The following TASP1 variants were observed in gnomAD, a reference collection of about 807,000 sequenced individuals.
TASP1 encodes threonine aspartase 1.
A neutral mutation model predicts 56.6 loss-of-function variants in TASP1; 16 were observed. That is an observed-to-expected ratio of 0.28 (90% CI 0.19 to 0.43). TASP1 has a LOEUF of 0.43. Among genes scored for constraint, TASP1 ranks in the 20% least tolerant of loss-of-function variants. The probability of loss-of-function intolerance (pLI) is 1.00; values close to 1 mark genes in which losing one functional copy is unlikely to be tolerated. For synonymous variants in TASP1, 179 were observed against 184.2 expected (o/e 0.97, Z 0.23); for missense variants, 393 against 511.6 (o/e 0.77, Z 2.24).
chr20:13,570,761 G>A (rs1044322702), intron 6 of TASP1, among the ~76,000 whole-genome samples: 2 of 151,956 alleles, frequency 1.3e-5, no homozygotes, highest in African/African-American at 2.4e-5. Context: ...ATTCTTGTAC[G>A]AAATGAAATC....
At chr20:13,535,218 C>T (rs2045369626) in intron 8 of TASP1, among the ~76,000 whole-genome samples, 1 of 152,106 alleles carries the variant, frequency 6.6e-6, no homozygotes. Flanking sequence ...AAAGCCATCA[C>T]CAGAAAAGTC....
chr20:13,625,797 C>A (rs1568665614), intron 2 of TASP1, among the ~76,000 whole-genome samples: 1 of 152,184 alleles, frequency 6.6e-6, no homozygotes. Flanking sequence ...ATCCTCTCAC[C>A]CACTAGAATG....
the TASP1 span, among the ~76,000 whole-genome samples, chr20:13,364,198 T>C: frequency 1.3e-5 from 2 of 152,222 alleles, no homozygotes; most frequent in East Asian, 1.9e-4. Flanking sequence ...TTCTGGTATA[T>C]GGATGTCCTG....
chr20:13,452,327 C>T (rs1263550646), intron 11 of TASP1, among the ~76,000 whole-genome samples: 2 of 151,370 alleles, frequency 1.3e-5, no homozygotes, highest in Non-Finnish European at 2.9e-5. Context: ...AGGTATGCCT[C>T]TATTCCATTC....
the TASP1 span, among the ~76,000 whole-genome samples, chr20:13,328,920 A>G: frequency 2.0e-5 from 3 of 152,222 alleles, no homozygotes; most frequent in African/African-American, 7.2e-5. Context: ...TATGTAACAA[A>G]TCTGCACATC....
chr20:13,369,357 A>G, the TASP1 span, among the ~76,000 whole-genome samples: 1 of 152,198 alleles, frequency 6.6e-6, no homozygotes, highest in Non-Finnish European at 1.5e-5. Context: ...GAGGCAGAAG[A>G]ATCACTTGAA....
chr20:13,310,194 A>G, the TASP1 span, among the ~76,000 whole-genome samples: 23 of 152,382 alleles, frequency 1.5e-4, no homozygotes, highest in Admixed American at 1.2e-3. Flanking sequence ...AATATACTAC[A>G]AAGGTGTAGT....
rs567734100 is a variant in TASP1 at position 13,535,512 on chromosome 20, C to T, written c.676-1371G>A. On this transcript the variant is annotated intron_variant, in intron 8 of 13. Transcript: ENST00000337743. ...ACTGGCTGAAATGAATGCTATATTC[C>T]TAATCCCTCTTTTAACCACAGCTAG... 3.5e-4 allele frequency among the ~76,000 whole-genome samples: 54 copies of T among 152,214 alleles called. 3 individuals carry two copies. Among genetic ancestry groups the T allele is most frequent in the African/African-American group, 1.3e-3 (53 of 41,526 alleles).
chr20:13,138,016 G>T, the TASP1 span, among the ~76,000 whole-genome samples: 5 of 152,130 alleles, frequency 3.3e-5, no homozygotes, highest in African/African-American at 1.2e-4. Flanking sequence ...GACCCTTCTA[G>T]TTCTTGCCAC....
At chr20:13,604,688 G>A (rs1377683270) in intron 4 of TASP1, among the ~76,000 whole-genome samples, 1 of 152,038 alleles carries the variant, frequency 6.6e-6, no homozygotes, top group Non-Finnish European at 1.5e-5. Flanking sequence ...TTCATTAACA[G>A]TAGCCATTAG....
At chr20:13,502,311 C>G (rs528700829) in intron 10 of TASP1, among the ~76,000 whole-genome samples, 28 of 152,122 alleles carry the variant, frequency 1.8e-4, no homozygotes, top group Non-Finnish European at 2.8e-4. Flanking sequence ...AGAAGAACTA[C>G]AGTTAATAAA....
At chr20:13,525,753 T>C (rs1045093246) in intron 10 of TASP1, among the ~76,000 whole-genome samples, 13 of 152,120 alleles carry the variant, frequency 8.5e-5, no homozygotes, top group African/African-American at 3.1e-4. Flanking sequence ...ATTGTCAACT[T>C]CATAGCAACA....
At chr20:13,151,907 T>C in the TASP1 span, among the ~76,000 whole-genome samples, 6 of 152,090 alleles carry the variant, frequency 3.9e-5, no homozygotes, top group Non-Finnish European at 8.8e-5. Context: ...TATCCTATGC[T>C]AGTGATACCT....
At chr20:13,198,404 C>T in the TASP1 span, among the ~76,000 whole-genome samples, 19 of 152,104 alleles carry the variant, frequency 1.2e-4, no homozygotes, top group African/African-American at 4.6e-4. Context: ...TCTCTGGGGT[C>T]CCTTTTATGA....
At chr20:13,490,563 T>C (rs2043488308) in intron 10 of TASP1, among the ~76,000 whole-genome samples, 1 of 152,196 alleles carries the variant, frequency 6.6e-6, no homozygotes. Flanking sequence ...ACTTTACCCA[T>C]AGGAGAAATC....
At chr20:13,423,327 T>A (rs1307560943) in intron 12 of TASP1, among the ~76,000 whole-genome samples, 1 of 152,180 alleles carries the variant, frequency 6.6e-6, no homozygotes, top group African/African-American at 2.4e-5. Context: ...ACTACACACA[T>A]CTATTTATAA....
chr20:13,498,331 T>TTGTG (rs60099056), intron 10 of TASP1, among the ~76,000 whole-genome samples: 20,093 of 134,796 alleles, frequency 0.15, 1,679 homozygotes, highest in Admixed American at 0.22. Flanking sequence ...TTCTTTTCTT[T>TTGTG]TGTGTGTGTG....
the TASP1 span, among the ~76,000 whole-genome samples, chr20:13,278,605 G>C: frequency 6.6e-6 from 1 of 152,212 alleles, no homozygotes; most frequent in Admixed American, 6.5e-5. Flanking sequence ...TGTGACTTTA[G>C]GCAAGTTGTT....
At chr20:13,412,776 T>C (rs2042132877) in intron 13 of TASP1, among the ~76,000 whole-genome samples, 1 of 152,226 alleles carries the variant, frequency 6.6e-6, no homozygotes, top group Non-Finnish European at 1.5e-5. Context: ...AAAATCCTAC[T>C]GAAAATTAAG....
Sources: gnomAD v4.1 joint callset for allele counts (sites outside exome capture counted in the v4.1 genomes callset) on GRCh38, gnomAD v4.1.1 for gene constraint, MANE v1.5 for transcripts, NCBI Gene and HGNC (gene_info 2026-07-23, HGNC 2026-07-21) for gene names.